Variants in LINGO2 observed in about 807,000 individuals in gnomAD.
LINGO2 encodes the protein leucine rich repeat and Ig domain containing 2, also known as leucine-rich repeat and immunoglobulin-like domain-containing nogo receptor-interacting protein 2.
In LINGO2, 14 loss-of-function variants were observed where a neutral mutation model predicts 30.6. That is an observed-to-expected ratio of 0.46 (90% CI 0.30 to 0.72). The LOEUF (loss-of-function observed/expected upper bound fraction) is 0.72, where lower values mean the gene tolerates loss of function less well. Ranked by LOEUF, LINGO2 falls within the 30% of genes least tolerant of loss-of-function variation. The pLI is 0.07. For synonymous variants in LINGO2, 317 were observed against 288.5 expected (o/e 1.10, Z -1.00); for missense variants, 729 against 751.7 (o/e 0.97, Z 0.35).
At chr9:28,877,841 G>C in the LINGO2 span, among the ~76,000 whole-genome samples, 4 of 152,090 alleles carry the variant, frequency 2.6e-5, no homozygotes, top group African/African-American at 9.7e-5. Flanking sequence ...ATTACCTTGG[G>C]CAGTATGGCC....
chr9:29,188,014 CTTTT>C, the LINGO2 span, among the ~76,000 whole-genome samples: 1 of 75,782 alleles, frequency 1.3e-5, no homozygotes, highest in Non-Finnish European at 2.5e-5. Context: ...TTGACAGAGT[CTTTT>C]TTTTTTTTTT....
At chr9:28,789,430 G>A in the LINGO2 span, among the ~76,000 whole-genome samples, 2 of 152,076 alleles carry the variant, frequency 1.3e-5, no homozygotes, top group South Asian at 2.1e-4. Flanking sequence ...TTCTTATTAA[G>A]AGATATCACT....
At position 28,600,066 on chromosome 9, in the gene LINGO2, T is replaced by C. The variant is rs1283193056; in HGVS notation, c.-365+70134A>G. Among the ~76,000 whole-genome samples the C allele has an allele frequency of 2.0e-5, 3 of 152,280 alleles. No individual in the cohort carries two copies. In the East Asian group the frequency reaches 5.8e-4, roughly 29 times the overall value. The stretch of plus-strand genomic sequence containing the variant: ...ATAATAAAGTATCACTAGATTCTAC[T>C]ATAAAGAGCTACCACAATTCCACTC... On this transcript the variant is annotated intron_variant, in intron 1 of 5. Coordinates refer to ENST00000379992, the Ensembl canonical transcript of LINGO2.
the LINGO2 span, among the ~76,000 whole-genome samples, chr9:28,821,885 G>T: frequency 6.6e-6 from 1 of 152,152 alleles, no homozygotes; most frequent in Non-Finnish European, 1.5e-5. Context: ...TCACTCCAGA[G>T]ATGTGCATAG....
intron 2 of LINGO2, among the ~76,000 whole-genome samples, chr9:28,420,560 C>A (rs987370706): frequency 5.9e-5 from 9 of 151,954 alleles, no homozygotes; most frequent in Non-Finnish European, 1.3e-4. Flanking sequence ...GTAAGAAAGA[C>A]AATAAGGCAG....
the LINGO2 span, among the ~76,000 whole-genome samples, chr9:29,191,108 A>G: frequency 1.3e-5 from 2 of 152,238 alleles, no homozygotes. Context: ...ATTTGCCACC[A>G]TTGCAGATAT....
chr9:29,004,295 T>C, the LINGO2 span, among the ~76,000 whole-genome samples: 2 of 152,000 alleles, frequency 1.3e-5, no homozygotes, highest in African/African-American at 2.4e-5. Flanking sequence ...AATAATCTCA[T>C]AACATTTTAT....
At chr9:28,237,117 C>CA (rs370310857) in intron 4 of LINGO2, among the ~76,000 whole-genome samples, 1 of 112,916 alleles carries the variant, frequency 8.9e-6, no homozygotes, top group South Asian at 2.9e-4. Flanking sequence ...TTAAACAGTG[C>CA]GGGGGGGGGG....
At chr9:28,890,103 G>A in the LINGO2 span, among the ~76,000 whole-genome samples, 1 of 152,086 alleles carries the variant, frequency 6.6e-6, no homozygotes, top group Non-Finnish European at 1.5e-5. Flanking sequence ...ATATGCCCTT[G>A]TAAGAGGCAG....
the LINGO2 span, among the ~76,000 whole-genome samples, chr9:29,047,111 C>T: frequency 7.5e-6 from 1 of 134,114 alleles, no homozygotes; most frequent in Non-Finnish European, 1.6e-5. Flanking sequence ...AAACAGACAC[C>T]TACAGAATGG....
chr9:28,484,501 A>C (rs975518739), intron 1 of LINGO2, among the ~76,000 whole-genome samples: 1 of 152,102 alleles, frequency 6.6e-6, no homozygotes, highest in Non-Finnish European at 1.5e-5. Context: ...TTCAGACTCA[A>C]CATCACCACT....
chr9:27,949,139 C>A (rs201237761), exon 6 of LINGO2: 7 of 1,614,068 alleles, frequency 4.3e-6, no homozygotes, highest in South Asian at 1.1e-5. Context: ...GGGTCCTGTT[C>A]GCATAAAGAA....
At chr9:28,985,935 C>A in the LINGO2 span, among the ~76,000 whole-genome samples, 1 of 151,938 alleles carries the variant, frequency 6.6e-6, no homozygotes. Flanking sequence ...AAAGTTACTG[C>A]CCAGACCAAT....
chr9:29,128,570 G>C, the LINGO2 span, among the ~76,000 whole-genome samples: 2 of 152,102 alleles, frequency 1.3e-5, no homozygotes, highest in African/African-American at 4.8e-5. Context: ...GGCCTGGTTA[G>C]CATGTGACAC....
chr9:28,243,469 A>AAAAAAG lies in LINGO2; in HGVS notation c.-87+51738_-87+51739insCTTTTT, dbSNP rs61010611. ...AGAAAGACTCTCTCAAAAAATAAAA[A>AAAAAAG]AAGAAGAAGAAGAAGACACAGACTG... On this transcript the variant is annotated intron_variant, in intron 4 of 5. Coordinates refer to ENST00000379992, the Ensembl canonical transcript of LINGO2. Among the ~76,000 whole-genome samples, 17 of 145,204 alleles carry AAAAAAG rather than the reference A, an allele frequency of 1.2e-4. 1 individual carries two copies. Among genetic ancestry groups the AAAAAAG allele is most frequent in the African/African-American group, 1.5e-4 (6 of 38,716 alleles).
chr9:28,699,830 TCTCCTGC>T, the LINGO2 span, among the ~76,000 whole-genome samples: 1 of 151,864 alleles, frequency 6.6e-6, no homozygotes, highest in Admixed American at 6.6e-5. Context: ...TAAGCCCTGG[TCTCCTGC>T]AGTACCCTCA....
chr9:27,991,753 C>T (rs940273003), intron 5 of LINGO2, among the ~76,000 whole-genome samples: 1 of 152,020 alleles, frequency 6.6e-6, no homozygotes, highest in Non-Finnish European at 1.5e-5. Context: ...TTTTAGAAGA[C>T]AAAAGTGAGA....
chr9:28,528,439 C>G (rs189683946), intron 1 of LINGO2, among the ~76,000 whole-genome samples: 202 of 152,256 alleles, frequency 1.3e-3, no homozygotes, highest in African/African-American at 4.7e-3. Context: ...TCTACACATG[C>G]TGGTTTAGTT....
At chr9:28,466,371 G>C (rs951631671) in intron 2 of LINGO2, among the ~76,000 whole-genome samples, 11 of 152,150 alleles carry the variant, frequency 7.2e-5, no homozygotes, top group Non-Finnish European at 1.5e-4. Context: ...GGCACAGAAG[G>C]ACAAACTGAT....
Sources: allele counts gnomAD v4.1 joint callset (sites outside exome capture counted in the v4.1 genomes callset), GRCh38; gene constraint gnomAD v4.1.1; transcripts MANE v1.5; gene names NCBI Gene and HGNC (gene_info 2026-07-23, HGNC 2026-07-21).